Variants in RAB27A observed in about 807,000 individuals in gnomAD.
The protein encoded by RAB27A is RAB27A, member RAS oncogene family, also known as ras-related protein Rab-27A.
In RAB27A, 17 loss-of-function variants were observed where a neutral mutation model predicts 20.8. The ratio of observed to expected loss-of-function variants is 0.82; its 90% CI spans 0.56 to 1.23. The LOEUF (loss-of-function observed/expected upper bound fraction) is 1.23. Among genes scored for constraint, RAB27A ranks in the 50% most tolerant of loss-of-function variants. RAB27A has a pLI of 0.00. For synonymous variants in RAB27A, 85 were observed against 92.8 expected (o/e 0.92, Z 0.48); for missense variants, 277 against 266.7 (o/e 1.04, Z -0.27).
chr15:55,243,836 A>G (rs1384794706), intron 2 of RAB27A, among the ~76,000 whole-genome samples: 1 of 152,180 alleles, frequency 6.6e-6, no homozygotes, highest in East Asian at 1.9e-4. Context: ...GCCATGTCCC[A>G]GTCTAACTTC....
At chr15:55,208,477 A>G (rs1894759506) in intron 6 of RAB27A, among the ~76,000 whole-genome samples, 1 of 152,202 alleles carries the variant, frequency 6.6e-6, no homozygotes, top group African/African-American at 2.4e-5. Context: ...AAGAGCCTAG[A>G]TTCATATCAT....
chr15:55,314,924 T>G (rs1202610226), intron 1 of RAB27A, among the ~76,000 whole-genome samples: 3 of 152,154 alleles, frequency 2.0e-5, no homozygotes, highest in African/African-American at 7.2e-5. Context: ...TTAAATTTCA[T>G]GTAGAACCAA....
chr15:55,207,871 G>A (rs971961971), intron 6 of RAB27A, among the ~76,000 whole-genome samples: 1 of 152,042 alleles, frequency 6.6e-6, no homozygotes, highest in African/African-American at 2.4e-5. Flanking sequence ...TGGCCAGGCT[G>A]GTCTCAAACT....
At chr15:55,244,340 A>G (rs1047694803) in intron 2 of RAB27A, among the ~76,000 whole-genome samples, 1 of 151,980 alleles carries the variant, frequency 6.6e-6, no homozygotes, top group African/African-American at 2.4e-5. Flanking sequence ...CAAACAAAAC[A>G]AAACAAAAAA....
At chr15:55,283,899 A>G (rs1037649011) in intron 1 of RAB27A, among the ~76,000 whole-genome samples, 8 of 152,232 alleles carry the variant, frequency 5.3e-5, no homozygotes, top group African/African-American at 1.9e-4. Context: ...AATACACAGC[A>G]GATTAGTATT....
upstream of RAB27A, among the ~76,000 whole-genome samples, chr15:55,291,440 G>A (rs1296948913): frequency 6.7e-6 from 1 of 148,168 alleles, no homozygotes; most frequent in East Asian, 2.0e-4. Flanking sequence ...GAACCCGAGA[G>A]GTGGAGGTTG....
chr15:55,263,128 T>C (rs1897335776), intron 2 of RAB27A, among the ~76,000 whole-genome samples: 2 of 152,236 alleles, frequency 1.3e-5, no homozygotes, highest in Admixed American at 1.3e-4. Flanking sequence ...TCTCTCACTT[T>C]CCTGGTTTCT....
rs77014779 is a variant in RAB27A at position 55,205,375 on chromosome 15, C to G, written c.*132G>C. 5 of 881,484 alleles carry G rather than the reference C, an allele frequency of 5.7e-6. No individual in the cohort carries two copies. The highest frequency in any genetic ancestry group is 3.8e-5 in the Admixed American group (2 of 52,776). The allele number at this position is 881,484 out of a possible 1,614,324, so 54.6% of individuals were successfully genotyped here. ...TAATTTTAGAACCGGATGCTTTATT[C>G]GTAGGTCTAATGGGGATGGTGAGAA... On this transcript the variant is annotated 3_prime_UTR_variant, in exon 7 of 7. Coordinates refer to ENST00000336787, the MANE Select transcript of RAB27A (RefSeq NM_183235.3).
At chr15:55,216,395 T>C (rs1895305454) in intron 6 of RAB27A, among the ~76,000 whole-genome samples, 1 of 151,940 alleles carries the variant, frequency 6.6e-6, no homozygotes, top group African/African-American at 2.4e-5. Context: ...TAGCTGGGCA[T>C]GGTGGCACGT....
At chr15:55,275,574 A>G (rs11071177) in intron 1 of RAB27A, among the ~76,000 whole-genome samples, 85,541 of 151,676 alleles carry the variant, frequency 0.56, 25,516 homozygotes, top group East Asian at 0.75. Context: ...TGCAGTGAGC[A>G]GAGGTTGTGC....
chr15:55,232,055 T>C (rs915527828), intron 3 of RAB27A, among the ~76,000 whole-genome samples: 10 of 152,222 alleles, frequency 6.6e-5, no homozygotes, highest in Admixed American at 1.3e-4. Context: ...CTCTCACTTC[T>C]GACTGACTTT....
At chr15:55,309,685 C>T (rs1406435999) in intron 2 of RAB27A, among the ~76,000 whole-genome samples, 1 of 152,154 alleles carries the variant, frequency 6.6e-6, no homozygotes, top group African/African-American at 2.4e-5. Context: ...CTGTAAACCA[C>T]TCTGCTTCCT....
intron 2 of RAB27A, among the ~76,000 whole-genome samples, chr15:55,268,437 T>TATGA (rs1897585439): frequency 6.6e-6 from 1 of 152,186 alleles, no homozygotes; most frequent in African/African-American, 2.4e-5. Flanking sequence ...ACTGGGTGAA[T>TATGA]ATGAAGTCCT....
At chr15:55,274,794 T>TTTTATATA (rs1491185564) in intron 1 of RAB27A, among the ~76,000 whole-genome samples, 8 of 52,162 alleles carry the variant, frequency 1.5e-4, no homozygotes, top group East Asian at 3.6e-4. Flanking sequence ...AATAAATAAA[T>TTTTATATA]TATATATATA....
At chr15:55,268,055 C>G (rs1016962979) in intron 2 of RAB27A, among the ~76,000 whole-genome samples, 13 of 152,088 alleles carry the variant, frequency 8.5e-5, no homozygotes, top group Admixed American at 8.5e-4. Flanking sequence ...GAGAGAGCAG[C>G]CAAGATGGGG....
At chr15:55,266,886 G>T (rs1195495189) in intron 2 of RAB27A, among the ~76,000 whole-genome samples, 1 of 152,180 alleles carries the variant, frequency 6.6e-6, no homozygotes, top group Non-Finnish European at 1.5e-5. Flanking sequence ...ATTTGCATTT[G>T]GAAAACAGAC....
intron 2 of RAB27A, among the ~76,000 whole-genome samples, chr15:55,303,868 G>A (rs1226853670): frequency 6.4e-5 from 9 of 141,486 alleles, no homozygotes; most frequent in East Asian, 2.4e-4. Context: ...CCAGCCAGCC[G>A]GCCCGTCCGG....
rs545904613 is a variant in RAB27A at position 55,311,332 on chromosome 15, G to T, written c.-112+2707C>A. On this transcript the variant is annotated intron_variant, in intron 2 of 5. Transcript: ENST00000563262. ...CTATTTTAATTTGCTTTAAGTCTGA[G>T]AGAGAAGAAGGTACACGCACTCTGG... Among the ~76,000 whole-genome samples, 15 of 152,298 alleles carry T rather than the reference G, an allele frequency of 9.8e-5. No individual in the cohort carries two copies. In the East Asian group the frequency reaches 1.5e-3, roughly 16 times the overall value.
At chr15:55,233,452 G>C (rs1016438756) in intron 3 of RAB27A, among the ~76,000 whole-genome samples, 2 of 152,056 alleles carry the variant, frequency 1.3e-5, no homozygotes, top group East Asian at 3.8e-4. Context: ...CAGACAAATG[G>C]ATAAACAAAA....
Sources: allele counts gnomAD v4.1 joint callset (sites outside exome capture counted in the v4.1 genomes callset), GRCh38; gene constraint gnomAD v4.1.1; transcripts MANE v1.5; gene names NCBI Gene and HGNC (gene_info 2026-07-23, HGNC 2026-07-21).